Variants in ARID4B observed in about 807,000 individuals in gnomAD.
ARID4B encodes the protein AT-rich interactive domain-containing protein 4B.
In ARID4B, 26 loss-of-function variants were observed where a neutral mutation model predicts 147.5. The observed-to-expected ratio is 0.18, with a 90% CI of 0.13 to 0.24. The LOEUF (loss-of-function observed/expected upper bound fraction) is 0.24, where lower values mean the gene tolerates loss of function less well. ARID4B is among the 10% of genes least tolerant of loss of function. The probability of loss-of-function intolerance (pLI) is 1.00; values close to 1 mark genes in which losing one functional copy is unlikely to be tolerated. For missense variants in ARID4B, 1,179 were observed against 1,511.5 expected (o/e 0.78, Z 3.65); for synonymous variants, 512 against 507.9 (o/e 1.01, Z -0.11).
chr1:235,281,876 A>C (rs994458629), intron 2 of ARID4B, among the ~76,000 whole-genome samples: 2 of 152,232 alleles, frequency 1.3e-5, no homozygotes, highest in Admixed American at 6.5e-5. Context: ...AAAATCAGAA[A>C]TACAAAAATT....
At chr1:235,172,323 T>C (rs1663422043) in intron 23 of ARID4B, among the ~76,000 whole-genome samples, 1 of 152,224 alleles carries the variant, frequency 6.6e-6, no homozygotes, top group South Asian at 2.1e-4. Flanking sequence ...ACGCCTGTAA[T>C]CTTAGCACTT....
rs1669721881 is a variant in ARID4B, at chr1:235,252,721, A to C, written c.354+9T>G. ...TTAAGACATGTTCATTTGTTAAATG[A>C]TGACTTACTTCACTTTCAGCAAAAT... On this transcript the variant is annotated intron_variant, in intron 6 of 23. Coordinates refer to ENST00000264183, the MANE Select transcript of ARID4B (RefSeq NM_016374.6). The C allele has an allele frequency of 6.2e-7, 1 of 1,608,932 alleles. No homozygotes were observed. The highest frequency in any genetic ancestry group is 8.5e-7 in the Non-Finnish European group (1 of 1,177,650).
chr1:235,215,171 C>A (rs964615391), intron 16 of ARID4B, among the ~76,000 whole-genome samples: 1 of 152,048 alleles, frequency 6.6e-6, no homozygotes, highest in African/African-American at 2.4e-5. Context: ...CTTCTTAGTA[C>A]CATGTACTTT....
intron 2 of ARID4B, among the ~76,000 whole-genome samples, chr1:235,290,668 C>T (rs1672280704): frequency 6.6e-6 from 1 of 152,148 alleles, no homozygotes; most frequent in Non-Finnish European, 1.5e-5. Flanking sequence ...ACTGCAAAAA[C>T]AATTGAGGAA....
chr1:235,253,579 T>G (rs962421250), intron 5 of ARID4B, among the ~76,000 whole-genome samples: 1 of 152,244 alleles, frequency 6.6e-6, no homozygotes, highest in African/African-American at 2.4e-5. Flanking sequence ...ATGTTACATA[T>G]ACATTTATAT....
At chr1:235,226,617 G>A (rs547098656) in intron 11 of ARID4B, among the ~76,000 whole-genome samples, 64 of 152,238 alleles carry the variant, frequency 4.2e-4, no homozygotes, top group South Asian at 3.7e-3. Context: ...CGCCTCCCGG[G>A]TTGACACCAT....
At chr1:235,297,248 T>C (rs1672806393) in intron 2 of ARID4B, among the ~76,000 whole-genome samples, 1 of 151,944 alleles carries the variant, frequency 6.6e-6, no homozygotes, top group Admixed American at 6.6e-5. Flanking sequence ...CTACAATGGA[T>C]TAAAACACAT....
chr1:235,294,311 A>ATTTTTTTT (rs5781824), intron 2 of ARID4B, among the ~76,000 whole-genome samples: 2 of 114,106 alleles, frequency 1.8e-5, no homozygotes, highest in African/African-American at 3.2e-5. Flanking sequence ...AACCAGCAGC[A>ATTTTTTTT]TTTTTTTTTT....
chr1:235,265,623 T>G (rs1044123503), intron 2 of ARID4B, among the ~76,000 whole-genome samples: 3 of 151,680 alleles, frequency 2.0e-5, no homozygotes, highest in Non-Finnish European at 4.4e-5. Flanking sequence ...CACTTCAGCC[T>G]GAGAGACTGA....
Position 235,168,575 on chromosome 1 carries a change from G to A in ARID4B, c.3889C>T (p.Pro1297Ser). ...TTTTGTGATGCGCTGGACATTGACG[G>A]TTCAGCTAAAGTTAACATAACAGCA... ...TAAVMLTLAE[P>S]SMSSASQNGM... is the part of the protein sequence containing the mutation. Residue 1297 changes from proline (P) to serine (S), a missense_variant, in exon 24 of 24, where the codon CCG becomes TCG. Physicochemically the swap from Pro to Ser is moderately conservative, Grantham distance 74. Around this residue, in one of 10 missense-constraint regions of ARID4B, gnomAD observed 357 missense variants for 427.3 expected, o/e 0.84. Coordinates refer to ENST00000264183, the MANE Select transcript of ARID4B (RefSeq NM_016374.6). 6.2e-7 allele frequency: 1 copy of A among 1,614,092 alleles called. No individual in the cohort carries two copies.
intron 17 of ARID4B, among the ~76,000 whole-genome samples, chr1:235,198,821 C>G (rs1480842907): frequency 6.6e-6 from 1 of 152,154 alleles, no homozygotes; most frequent in Non-Finnish European, 1.5e-5. Flanking sequence ...CTCATGGGGC[C>G]GGGCGCAGTG....
intron 7 of ARID4B, among the ~76,000 whole-genome samples, chr1:235,242,608 A>G (rs1028937348): frequency 6.6e-6 from 1 of 152,234 alleles, no homozygotes; most frequent in Non-Finnish European, 1.5e-5. Context: ...GAGATAACAC[A>G]TATCAAAATC....
chr1:235,211,073 C>T lies in ARID4B; in HGVS notation c.1841+2696G>A, dbSNP rs1177784844. On this transcript the variant is annotated intron_variant, in intron 17 of 23. Coordinates refer to ENST00000264183, the MANE Select transcript of ARID4B (RefSeq NM_016374.6). ...CCTTGGCCGGGCACGGTGGCTCATG[C>T]CTGTAGTCCCAGCACTTTGGGAGGC... is the stretch of plus-strand genomic sequence containing the variant. 4.6e-5 allele frequency among the ~76,000 whole-genome samples: 7 copies of T among 152,200 alleles called. No homozygotes were observed. In the East Asian group the frequency reaches 1.3e-3, roughly 29 times the overall value.
intron 2 of ARID4B, among the ~76,000 whole-genome samples, chr1:235,326,581 T>A (rs1192569190): frequency 6.6e-6 from 1 of 152,200 alleles, no homozygotes; most frequent in Non-Finnish European, 1.5e-5. Flanking sequence ...AGAACCACAA[T>A]ACAGTTCAGT....
At chr1:235,175,657 C>CA (rs1663815537) in intron 21 of ARID4B, 1 of 418,176 alleles carries the variant, frequency 2.4e-6, no homozygotes, top group Admixed American at 4.1e-5. Flanking sequence ...GGTAGACTGT[C>CA]AAATATACAG....
chr1:235,267,733 T>C (rs1001354070), intron 2 of ARID4B, among the ~76,000 whole-genome samples: 2 of 151,620 alleles, frequency 1.3e-5, no homozygotes, highest in African/African-American at 4.9e-5. Flanking sequence ...TGAAACCCCG[T>C]CTCTACTAAA....
At chr1:235,302,935 C>CTT (rs71172294) in intron 2 of ARID4B, among the ~76,000 whole-genome samples, 19,911 of 149,930 alleles carry the variant, frequency 0.13, 1,525 homozygotes, top group African/African-American at 0.2. Flanking sequence ...TTCTTTTTTT[C>CTT]TTTTTTTTGA....
intron 2 of ARID4B, among the ~76,000 whole-genome samples, chr1:235,318,254 GC>G (rs930939867): frequency 7.5e-6 from 1 of 133,216 alleles, no homozygotes; most frequent in Non-Finnish European, 1.5e-5. Context: ...GCAGCTCACT[GC>G]AACCTTTGCC....
chr1:235,225,933 C>T (rs1285276586), intron 11 of ARID4B, among the ~76,000 whole-genome samples: 1 of 152,052 alleles, frequency 6.6e-6, no homozygotes, highest in African/African-American at 2.4e-5. Context: ...AATGATGAAT[C>T]TGTATTTCTC....
Sources: allele counts gnomAD v4.1 joint callset (sites outside exome capture counted in the v4.1 genomes callset), GRCh38; gene constraint gnomAD v4.1.1; regional missense constraint gnomAD v4.1.1; transcripts MANE v1.5; gene names NCBI Gene and HGNC (gene_info 2026-07-23, HGNC 2026-07-21).